The following LAMP2 variants were observed in gnomAD, a reference collection of about 807,000 sequenced individuals.
LAMP2 encodes the protein lysosome associated membrane protein 2, also known as lysosome-associated membrane glycoprotein 2.
Under a neutral mutation model 25.6 loss-of-function variants are expected in LAMP2, and 4 were observed. The ratio of observed to expected loss-of-function variants is 0.16; its 90% CI spans 0.08 to 0.36. The LOEUF is 0.36. Among genes scored for constraint, LAMP2 ranks in the 10% least tolerant of loss-of-function variants. The probability of loss-of-function intolerance (pLI) is 1.00; values close to 1 mark genes in which losing one functional copy is unlikely to be tolerated. For missense variants in LAMP2, 272 were observed against 301.4 expected (o/e 0.90, Z 0.72); for synonymous variants, 108 against 112.7 (o/e 0.96, Z 0.27).
intron 8 of LAMP2, chrX:120,436,974 C>T (rs947320487): frequency 4.5e-5 from 34 of 750,901 alleles, no homozygotes; most frequent in Non-Finnish European, 5.3e-5. Flanking sequence ...TTTGTTTTGA[C>T]TCATGTGAAA....
chrX:120,464,411 C>T (rs1364511113), intron 1 of LAMP2, among the ~76,000 whole-genome samples: 2 of 111,316 alleles, frequency 1.8e-5, no homozygotes, highest in Non-Finnish European at 3.8e-5. Flanking sequence ...TGTACCAGAC[C>T]CTATGCTAGG....
intron 1 of LAMP2, among the ~76,000 whole-genome samples, chrX:120,467,592 G>A (rs2147293713): frequency 9.0e-6 from 1 of 111,335 alleles, no homozygotes; most frequent in Admixed American, 9.5e-5. Context: ...ATTTTATTAA[G>A]TCACAAATAG....
rs998951184 is a variant in LAMP2, at chrX:120,427,617, G to A, written c.*3706C>T. Among the ~76,000 whole-genome samples, 5 of 111,885 alleles carry A rather than the reference G, an allele frequency of 4.5e-5. No individual in the cohort carries two copies. The highest frequency in any genetic ancestry group is 9.5e-5 in the Admixed American group (1 of 10,511). The stretch of plus-strand genomic sequence containing the variant: ...GCATATTCACATAGGGAATGGGAGA[G>A]TGCAGGAGGCACACAAACAAAGTAT... On this transcript the variant is annotated 3_prime_UTR_variant, in exon 9 of 9. Transcript: ENST00000200639.
chrX:120,446,959 C>G (rs1373355957), intron 5 of LAMP2, among the ~76,000 whole-genome samples: 1 of 112,355 alleles, frequency 8.9e-6, no homozygotes, highest in Non-Finnish European at 1.9e-5. Flanking sequence ...CTCTGATCCA[C>G]TGATGGCAAA....
intron 1 of LAMP2, among the ~76,000 whole-genome samples, chrX:120,460,470 G>A (rs1447113919): frequency 9.0e-6 from 1 of 111,093 alleles, no homozygotes; most frequent in Non-Finnish European, 1.9e-5. Context: ...CCTTCCCAAG[G>A]GTAACCATTA....
chrX:120,445,994 G>A (rs1281730298), intron 6 of LAMP2, among the ~76,000 whole-genome samples: 1 of 111,778 alleles, frequency 8.9e-6, no homozygotes, highest in Non-Finnish European at 1.9e-5. Flanking sequence ...AATTACTTAT[G>A]TATGGATAGA....
In LAMP2 at chrX:120,430,415, G is replaced by T; in HGVS notation, c.*908C>A. 1.3e-6 allele frequency: 1 copy of T among 752,450 alleles called. No homozygotes were observed. Among genetic ancestry groups the T allele is most frequent in the Non-Finnish European group, 1.6e-6 (1 of 637,615 alleles). 62.0% of individuals were successfully genotyped at this position (752,450 alleles called of 1,213,427 possible). ...TACATTTCATAAGTACCACACTGAT[G>T]ACAACACTAAATAGATTTTAATGCT... On this transcript the variant is annotated 3_prime_UTR_variant, in exon 9 of 9. Transcript: ENST00000200639.
rs182447723 is a variant in LAMP2 at position 120,441,940 on chromosome X, T to C, written c.929-46A>G. On this transcript the variant is annotated intron_variant, in intron 7 of 8. Transcript: ENST00000200639. ...TTAGTAACTTCTTATCCTATCAACA[T>C]CAAAAATGGGAAAGTTGGCCAGGCA... The C allele has an allele frequency of 1.1e-4, 120 of 1,136,790 alleles. No individual in the cohort carries two copies. The East Asian group carries it at 3.4e-3, about 33-fold the overall frequency. 93.7% of individuals were successfully genotyped at this position (1,136,790 alleles called of 1,213,427 possible). A position where few individuals can be genotyped will look rare whatever the true frequency, so the allele number is the denominator to read the frequency against.
At chrX:120,454,119 G>C (rs1474139205) in intron 3 of LAMP2, among the ~76,000 whole-genome samples, 3 of 109,721 alleles carry the variant, frequency 2.7e-5, no homozygotes, top group African/African-American at 1.0e-4. Flanking sequence ...ATCTCTTGCT[G>C]TCCCGCTCTG....
At chrX:120,431,494 A>C (rs1380856147) in intron 8 of LAMP2, 32 bp from the exon 9 acceptor site, 3 of 1,109,213 alleles carry the variant, frequency 2.7e-6, no homozygotes, top group Non-Finnish European at 3.7e-6. Flanking sequence ...TTGAGAACAG[A>C]AACAGTGACA....
At chrX:120,436,770 A>C in intron 8 of LAMP2, 2 of 704,124 alleles carry the variant, frequency 2.8e-6, no homozygotes, top group Non-Finnish European at 3.4e-6. Flanking sequence ...TAATAGTGTA[A>C]ATAGCAGTAT....
chrX:120,431,274 A>C lies in LAMP2; in HGVS notation c.*49T>G. 8.3e-7 allele frequency: 1 copy of C among 1,206,877 alleles called. No homozygotes were observed. The highest frequency in any genetic ancestry group is 1.7e-5 in the African/African-American group (1 of 57,790). ...TGTTTCAACAACTGAGAGGTAAGAAAATCTTGTTATTTGCATGTATTTTTA... is the reference window on the plus strand; with the variant it reads ...TGTTTCAACAACTGAGAGGTAAGAACATCTTGTTATTTGCATGTATTTTTA... On this transcript the variant is annotated 3_prime_UTR_variant, in exon 9 of 9. Coordinates refer to ENST00000200639, the MANE Select transcript of LAMP2 (RefSeq NM_002294.3).
rs753577843 is a variant in LAMP2, at chrX:120,456,642, T to C, written c.183+9A>G. ...TAAAACTCAAAGAAAAATTAAAATA[T>C]ATACTTACATAAGTTTTATTTGTAG... On this transcript the variant is annotated intron_variant, in intron 2 of 8. Transcript: ENST00000200639. 1.4e-5 allele frequency: 13 copies of C among 908,672 alleles called. No individual in the cohort carries two copies. The highest frequency in any genetic ancestry group is 1.6e-5 in the Non-Finnish European group (10 of 633,690). 74.9% of individuals were successfully genotyped at this position (908,672 alleles called of 1,213,427 possible).
At chrX:120,439,784 T>C (rs2058563862) in intron 8 of LAMP2, among the ~76,000 whole-genome samples, 1 of 110,418 alleles carries the variant, frequency 9.1e-6, no homozygotes, top group Admixed American at 9.7e-5. Context: ...TTATCAGAAA[T>C]AAAGGGAGCT....
At chrX:120,438,240 T>C (rs1174451816) in intron 8 of LAMP2, 1 of 744,667 alleles carries the variant, frequency 1.3e-6, no homozygotes, top group Admixed American at 8.7e-5. Context: ...AAAAAGAAAA[T>C]AATAAAATAC....
At position 120,446,447 on chromosome X, in the gene LAMP2, G is replaced by A; in HGVS notation, c.742-20C>T. The A allele has an allele frequency of 8.3e-7, 1 of 1,207,657 alleles. No homozygotes were observed. The highest frequency in any genetic ancestry group is 1.1e-6 in the Non-Finnish European group (1 of 892,498). On this transcript the variant is annotated intron_variant, in intron 5 of 8. Coordinates refer to ENST00000200639, the MANE Select transcript of LAMP2 (RefSeq NM_002294.3). ...AGCAACCTTCAGGAGAAGAAGAAAG[G>A]GAAAAGGTACAGGTTAGCTATAAAA...
chrX:120,432,272 C>T (rs895061091), intron 8 of LAMP2, among the ~76,000 whole-genome samples: 4 of 110,554 alleles, frequency 3.6e-5, no homozygotes, highest in South Asian at 3.8e-4. Context: ...TCAAGGGAAA[C>T]GCAAGCAGGT....
chrX:120,457,058 C>CT (rs1921126470), intron 1 of LAMP2, among the ~76,000 whole-genome samples: 1 of 111,158 alleles, frequency 9.0e-6, no homozygotes, highest in African/African-American at 3.3e-5. Context: ...ACCTAGGATG[C>CT]TTAGGTCATG....
At chrX:120,465,005 A>T (rs1215036471) in intron 1 of LAMP2, among the ~76,000 whole-genome samples, 2 of 111,345 alleles carry the variant, frequency 1.8e-5, no homozygotes, top group Non-Finnish European at 3.8e-5. Context: ...GACCTCCCAA[A>T]GTGCTGGGAT....
Sources: allele counts gnomAD v4.1 joint callset (sites outside exome capture counted in the v4.1 genomes callset), GRCh38; gene constraint gnomAD v4.1.1; transcripts MANE v1.5; gene names NCBI Gene and HGNC (gene_info 2026-07-23, HGNC 2026-07-21).